CLSTN2: variants seen among roughly 807,000 people sequenced by gnomAD.
CLSTN2 encodes the protein calsyntenin 2, also known as calsyntenin-2.
In CLSTN2, 48 loss-of-function variants were observed where a neutral mutation model predicts 101.2. The observed-to-expected ratio is 0.47, with a 90% CI of 0.38 to 0.60. CLSTN2 has a LOEUF of 0.60. Ranked by LOEUF, CLSTN2 falls within the 20% of genes least tolerant of loss-of-function variation. CLSTN2 has a pLI of 0.00. For synonymous variants in CLSTN2, 481 were observed against 463.6 expected, an observed-to-expected ratio of 1.04 and a Z score of -0.48; for missense variants, 1,160 against 1,238.2, an observed-to-expected ratio of 0.94 and a Z score of 0.95.
In CLSTN2 at chr3:140,569,285, T is replaced by A. The variant is rs1292107537; in HGVS notation, c.*3032T>A. 2 of 152,260 alleles carry A rather than the reference T, an allele frequency of 1.3e-5. No homozygotes were observed. The highest frequency in any genetic ancestry group is 4.8e-5 in the African/African-American group (2 of 41,426). 9.4% of individuals were successfully genotyped at this position (152,260 alleles called of 1,614,324 possible). ...CTGAAGGCCTAGACACCCTATGACCTCTAACTGAGATGTTGGCAGCCAGGC... is the reference window on the plus strand; with the variant it reads ...CTGAAGGCCTAGACACCCTATGACCACTAACTGAGATGTTGGCAGCCAGGC... On this transcript the variant is annotated 3_prime_UTR_variant, in exon 17 of 17. Coordinates refer to ENST00000458420, the MANE Select transcript of CLSTN2 (RefSeq NM_022131.3).
chr3:140,176,958 G>A (rs1422143495), intron 2 of CLSTN2, among the ~76,000 whole-genome samples: 1 of 152,200 alleles, frequency 6.6e-6, no homozygotes, highest in African/African-American at 2.4e-5. Context: ...GCTACATTAT[G>A]AGCTGCTTGG....
intron 3 of CLSTN2, 121 bp from the exon 4 acceptor site, chr3:140,404,437 T>G: frequency 1.2e-6 from 1 of 811,438 alleles, no homozygotes; most frequent in Non-Finnish European, 2.0e-6. Context: ...ACTGCCACAA[T>G]TGGCTGATGG....
chr3:140,258,095 C>T (rs1297602950), intron 2 of CLSTN2, among the ~76,000 whole-genome samples: 1 of 152,040 alleles, frequency 6.6e-6, no homozygotes, highest in Non-Finnish European at 1.5e-5. Context: ...AATGATTGAG[C>T]ATTTTTCCTA....
At chr3:140,172,546 T>C (rs1313264115) in intron 1 of CLSTN2, among the ~76,000 whole-genome samples, 1 of 152,196 alleles carries the variant, frequency 6.6e-6, no homozygotes, top group Non-Finnish European at 1.5e-5. Context: ...GTATACTGTA[T>C]TGATTTGCTA....
At chr3:140,191,144 T>C (rs1444519827) in intron 2 of CLSTN2, among the ~76,000 whole-genome samples, 1 of 152,116 alleles carries the variant, frequency 6.6e-6, no homozygotes, top group African/African-American at 2.4e-5. Context: ...GTTGATTTTG[T>C]CAAATACTTA....
intron 2 of CLSTN2, among the ~76,000 whole-genome samples, chr3:140,369,366 A>G (rs2087826112): frequency 6.6e-6 from 1 of 152,224 alleles, no homozygotes; most frequent in Admixed American, 6.5e-5. Context: ...TGAACTTCAT[A>G]CTTGCATTTC....
At chr3:140,188,907 T>C (rs892383415) in intron 2 of CLSTN2, among the ~76,000 whole-genome samples, 6 of 152,170 alleles carry the variant, frequency 3.9e-5, no homozygotes, top group African/African-American at 1.2e-4. Context: ...CACATTGCCC[T>C]TTTATGGCCA....
rs780255357 is a variant in CLSTN2 at position 139,996,345 on chromosome 3, G to A, written c.109+60862G>A. On this transcript the variant is annotated intron_variant, in intron 1 of 16. Coordinates refer to ENST00000458420, the MANE Select transcript of CLSTN2 (RefSeq NM_022131.3). ...CTGTTGGGTCTTTGGGTAGGTGGCT[G>A]TCCACATTTACAAGATAATGCCAAA... Among the ~76,000 whole-genome samples the A allele has an allele frequency of 1.9e-4, 29 of 152,160 alleles. 2 individuals carry two copies. The highest frequency in any genetic ancestry group is 4.4e-5 in the Non-Finnish European group (3 of 68,042).
chr3:140,131,066 A>G (rs1453716132), intron 1 of CLSTN2, among the ~76,000 whole-genome samples: 1 of 152,108 alleles, frequency 6.6e-6, no homozygotes, highest in East Asian at 1.9e-4. Context: ...AATGGCCTTC[A>G]GAAATGAAGA....
At chr3:140,308,747 T>G (rs2107915151) in intron 2 of CLSTN2, among the ~76,000 whole-genome samples, 1 of 152,338 alleles carries the variant, frequency 6.6e-6, no homozygotes, top group East Asian at 1.9e-4. Context: ...GTTCAACATT[T>G]CAGAAGCACA....
chr3:140,194,723 C>T (rs1472518017), intron 2 of CLSTN2, among the ~76,000 whole-genome samples: 1 of 152,166 alleles, frequency 6.6e-6, no homozygotes, highest in Non-Finnish European at 1.5e-5. Flanking sequence ...CAGGTTCTCT[C>T]CTTGGGCTTC....
chr3:140,545,353 G>A lies in CLSTN2; in HGVS notation c.1508-1162G>A, dbSNP rs1576620733. 2.0e-5 allele frequency among the ~76,000 whole-genome samples: 3 copies of A among 152,332 alleles called. 1 individual carries two copies. The South Asian group carries it at 6.2e-4, about 32-fold the overall frequency. ...GAGGGCTGGGGAAGCTGCTGGCCAG[G>A]TGTTGCAAGAGCCAGGCATTGGGGA... On this transcript the variant is annotated intron_variant, in intron 9 of 16. Coordinates refer to ENST00000458420, the MANE Select transcript of CLSTN2 (RefSeq NM_022131.3).
chr3:140,225,252 T>C (rs114453536), intron 2 of CLSTN2, among the ~76,000 whole-genome samples: 3,881 of 152,278 alleles, frequency 0.025, 154 homozygotes, highest in African/African-American at 0.087. Context: ...TGGTCTGCCT[T>C]TCCAGGTGAT....
Position 140,566,336 on chromosome 3 carries a change from T to C in CLSTN2, c.*83T>C. ...ATGCCCATGTCTATCATACCTCACC[T>C]CTGATGTCTGTGACATGTCTGGGAA... On this transcript the variant is annotated 3_prime_UTR_variant, in exon 17 of 17. Coordinates refer to ENST00000458420, the MANE Select transcript of CLSTN2 (RefSeq NM_022131.3). 2 of 1,341,896 alleles carry C rather than the reference T, an allele frequency of 1.5e-6. No individual in the cohort carries two copies. Among genetic ancestry groups the C allele is most frequent in the Non-Finnish European group, 2.1e-6 (2 of 964,144 alleles). 83.1% of individuals were successfully genotyped at this position (1,341,896 alleles called of 1,614,324 possible). A position where few individuals can be genotyped will look rare whatever the true frequency, so the allele number is the denominator to read the frequency against.
At chr3:140,372,688 A>G (rs1340169205) in intron 2 of CLSTN2, among the ~76,000 whole-genome samples, 1 of 152,184 alleles carries the variant, frequency 6.6e-6, no homozygotes, top group Non-Finnish European at 1.5e-5. Context: ...TATCTTAAGC[A>G]TACCCTGTGA....
chr3:140,445,670 T>C (rs1933059894), intron 5 of CLSTN2, among the ~76,000 whole-genome samples: 1 of 151,736 alleles, frequency 6.6e-6, no homozygotes, highest in Non-Finnish European at 1.5e-5. Flanking sequence ...GCCGGTGGGA[T>C]CAGTACCAGA....
At chr3:140,527,252 T>TA (rs1474215720) in intron 8 of CLSTN2, among the ~76,000 whole-genome samples, 1 of 152,068 alleles carries the variant, frequency 6.6e-6, no homozygotes, top group Non-Finnish European at 1.5e-5. Context: ...TAATCTCATT[T>TA]AAAAATGGGC....
At chr3:140,304,265 T>G (rs1376540993) in intron 2 of CLSTN2, among the ~76,000 whole-genome samples, 1 of 152,244 alleles carries the variant, frequency 6.6e-6, no homozygotes, top group Non-Finnish European at 1.5e-5. Context: ...TGAAGTCTTC[T>G]GCTGATGATG....
intron 2 of CLSTN2, among the ~76,000 whole-genome samples, chr3:140,221,558 A>G (rs1360958065): frequency 6.6e-6 from 1 of 152,228 alleles, no homozygotes; most frequent in Non-Finnish European, 1.5e-5. Flanking sequence ...ACAGAATGGG[A>G]GAAAATTATT....
Sources: gnomAD v4.1 joint callset for allele counts (sites outside exome capture counted in the v4.1 genomes callset) on GRCh38, gnomAD v4.1.1 for gene constraint, MANE v1.5 for transcripts, NCBI Gene and HGNC (gene_info 2026-07-23, HGNC 2026-07-21) for gene names.